The following PTPRG variants were observed in gnomAD, a reference collection of about 807,000 sequenced individuals.
PTPRG encodes the protein protein tyrosine phosphatase receptor type G.
PTPRG carries 102 observed loss-of-function variants against 165.3 expected under a neutral mutation model. That is an observed-to-expected ratio of 0.62 (90% CI 0.53 to 0.73). The LOEUF (loss-of-function observed/expected upper bound fraction) is 0.73. Ranked by LOEUF, PTPRG falls within the 30% of genes least tolerant of loss-of-function variation. PTPRG has a pLI of 0.00. For missense variants in PTPRG, 1,866 were observed against 1,861.4 expected (o/e 1.00, Z -0.05); for synonymous variants, 675 against 669.5 (o/e 1.01, Z -0.13).
At chr3:61,932,099 A>G (rs2039376145) in intron 2 of PTPRG, among the ~76,000 whole-genome samples, 1 of 152,220 alleles carries the variant, frequency 6.6e-6, no homozygotes, top group African/African-American at 2.4e-5. Flanking sequence ...TAAAAAATGA[A>G]TTAGCTTAGA....
rs1470468821 is a variant in PTPRG, at chr3:62,033,395, A to G, written c.519+29898A>G. Among the ~76,000 whole-genome samples the G allele has an allele frequency of 4.5e-5, 6 of 132,464 alleles. No individual in the cohort carries two copies. In the East Asian group the frequency reaches 1.3e-3, roughly 29 times the overall value. The allele number at this position is 132,464 out of a possible 152,430, so 86.9% of individuals were successfully genotyped here. On this transcript the variant is annotated intron_variant, in intron 4 of 29. Transcript: ENST00000474889. The stretch of plus-strand genomic sequence containing the variant: ...TTTTTTTTTTTTGAGACAGGGTCTC[A>G]CTCTGTTGCCCAGGCTAGAGTGCAG...
intron 2 of PTPRG, among the ~76,000 whole-genome samples, chr3:61,986,466 A>G (rs1375532043): frequency 6.6e-6 from 1 of 152,196 alleles, no homozygotes; most frequent in African/African-American, 2.4e-5. Flanking sequence ...GGGGTTTCAG[A>G]TGTGTTTATT....
At chr3:61,880,656 A>G (rs919413135) in intron 2 of PTPRG, among the ~76,000 whole-genome samples, 2 of 150,080 alleles carry the variant, frequency 1.3e-5, no homozygotes, top group Non-Finnish European at 3.0e-5. Flanking sequence ...AGAGAGACCT[A>G]TGGCCAGGTG....
At chr3:62,074,490 G>A (rs998279306) in intron 4 of PTPRG, among the ~76,000 whole-genome samples, 1 of 151,212 alleles carries the variant, frequency 6.6e-6, no homozygotes, top group African/African-American at 2.4e-5. Flanking sequence ...TGAATAGGTG[G>A]GACTACACTC....
At chr3:62,132,779 C>T in intron 6 of PTPRG, 111 bp downstream of exon 6, 4 of 988,478 alleles carry the variant, frequency 4.0e-6, no homozygotes, top group Non-Finnish European at 6.5e-6. Flanking sequence ...ATTCCTCATC[C>T]CCTGATGTTG....
intron 2 of PTPRG, among the ~76,000 whole-genome samples, chr3:61,810,395 A>T (rs948437914): frequency 6.6e-6 from 1 of 152,226 alleles, no homozygotes; most frequent in Non-Finnish European, 1.5e-5. Context: ...AACCCTAAGA[A>T]TCTGAGGTAA....
At chr3:61,909,042 G>C (rs935115862) in intron 2 of PTPRG, among the ~76,000 whole-genome samples, 2 of 152,182 alleles carry the variant, frequency 1.3e-5, no homozygotes, top group African/African-American at 4.8e-5. Flanking sequence ...ATGAAATGGG[G>C]TTTTTCTACC....
At chr3:61,590,026 C>T (rs1039646406) in intron 1 of PTPRG, among the ~76,000 whole-genome samples, 2 of 151,846 alleles carry the variant, frequency 1.3e-5, no homozygotes, top group African/African-American at 4.8e-5. Flanking sequence ...TGATGCTTTC[C>T]GAGACACGTG....
At chr3:61,886,175 C>G (rs2038031598) in intron 2 of PTPRG, among the ~76,000 whole-genome samples, 4 of 152,088 alleles carry the variant, frequency 2.6e-5, no homozygotes, top group Non-Finnish European at 5.9e-5. Flanking sequence ...ATCCTTCCTT[C>G]CAATTTCAAA....
intron 16 of PTPRG, among the ~76,000 whole-genome samples, chr3:62,258,650 A>G (rs1171000863): frequency 6.6e-6 from 1 of 152,220 alleles, no homozygotes; most frequent in Non-Finnish European, 1.5e-5. Context: ...CTCTTTGTCT[A>G]GAAGTGTTGC....
chr3:61,742,422 T>TTTGAAATGG, intron 1 of PTPRG: 2 of 1,316,846 alleles, frequency 1.5e-6, no homozygotes, highest in Non-Finnish European at 2.0e-6. Context: ...TTTTTTTTTT[T>TTTGAAATGG]TGAACTGGTA....
chr3:61,931,689 T>C (rs1274378244), intron 2 of PTPRG, among the ~76,000 whole-genome samples: 4 of 152,222 alleles, frequency 2.6e-5, no homozygotes, highest in Non-Finnish European at 5.9e-5. Context: ...CTATGTTGTT[T>C]ACTTTCTGGT....
At chr3:62,050,318 G>C (rs1700431184) in intron 4 of PTPRG, among the ~76,000 whole-genome samples, 1 of 152,166 alleles carries the variant, frequency 6.6e-6, no homozygotes, top group Non-Finnish European at 1.5e-5. Flanking sequence ...TTACCATCAT[G>C]TTACAGTTGC....
At chr3:61,993,278 T>A (rs1486115906) in intron 3 of PTPRG, among the ~76,000 whole-genome samples, 1 of 151,956 alleles carries the variant, frequency 6.6e-6, no homozygotes, top group Non-Finnish European at 1.5e-5. Context: ...AGTGCAATGG[T>A]GTGATCTCAG....
chr3:62,216,684 G>T (rs1346587151), intron 12 of PTPRG, among the ~76,000 whole-genome samples: 1 of 152,106 alleles, frequency 6.6e-6, no homozygotes, highest in Non-Finnish European at 1.5e-5. Flanking sequence ...TGGAGAGAAG[G>T]CATGCCTGAT....
intron 2 of PTPRG, among the ~76,000 whole-genome samples, chr3:61,963,735 T>G (rs369240493): frequency 6.6e-6 from 1 of 152,308 alleles, no homozygotes; most frequent in South Asian, 2.1e-4. Flanking sequence ...TTTTTGTTAG[T>G]TTCTTTTACC....
chr3:62,160,431 A>C lies in PTPRG; in HGVS notation c.840+3207A>C, dbSNP rs149249244. 3.9e-5 allele frequency among the ~76,000 whole-genome samples: 6 copies of C among 152,364 alleles called. No homozygotes were observed. The South Asian group carries it at 1.0e-3, about 26-fold the overall frequency. ...GTTTGGGATTCCCCACTTAGTCAGC[A>C]TGGCTTATGTGGCCCCTCTAAACAT... is the stretch of plus-strand genomic sequence containing the variant. On this transcript the variant is annotated intron_variant, in intron 7 of 29. Coordinates refer to ENST00000474889, the MANE Select transcript of PTPRG (RefSeq NM_002841.4).
intron 11 of PTPRG, 115 bp downstream of exon 11, chr3:62,201,669 TTATAG>T (rs1320444199): frequency 3.2e-5 from 27 of 856,772 alleles, no homozygotes; most frequent in Non-Finnish European, 4.4e-5. Context: ...TGTAAAGCGG[TTATAG>T]TAGAGAAAAA....
At chr3:62,001,082 C>T (rs2041162795) in intron 3 of PTPRG, among the ~76,000 whole-genome samples, 2 of 152,162 alleles carry the variant, frequency 1.3e-5, no homozygotes, top group African/African-American at 4.8e-5. Context: ...CAGTGACTGC[C>T]TTCGGTATAT....
Sources: gnomAD v4.1 joint callset for allele counts (sites outside exome capture counted in the v4.1 genomes callset) on GRCh38, gnomAD v4.1.1 for gene constraint, MANE v1.5 for transcripts, NCBI Gene and HGNC (gene_info 2026-07-23, HGNC 2026-07-21) for gene names.